Variants in XXYLT1 observed in about 807,000 individuals in gnomAD.
The protein encoded by XXYLT1 is UDP-xylose:alpha-xyloside alpha-1,3-xylosyltransferase.
In XXYLT1, 20 loss-of-function variants were observed where a neutral mutation model predicts 28.9. That is an observed-to-expected ratio of 0.69 (90% CI 0.49 to 1.00). The LOEUF is 1.00. Ranked by LOEUF, XXYLT1 falls within the 50% of genes least tolerant of loss-of-function variation. The pLI is 0.00. For synonymous variants in XXYLT1, 257 were observed against 253.8 expected, an observed-to-expected ratio of 1.01 and a Z score of -0.12; for missense variants, 542 against 560.1, an observed-to-expected ratio of 0.97 and a Z score of 0.33.
intron 1 of XXYLT1, among the ~76,000 whole-genome samples, chr3:195,246,737 C>G (rs1367666236): frequency 6.6e-6 from 1 of 152,212 alleles, no homozygotes; most frequent in Non-Finnish European, 1.5e-5. Context: ...CATGACCAGC[C>G]AACAGTGATG....
intron 3 of XXYLT1, among the ~76,000 whole-genome samples, chr3:195,079,683 G>T (rs947180442): frequency 3.3e-5 from 5 of 152,136 alleles, no homozygotes; most frequent in Admixed American, 3.3e-4. Flanking sequence ...GGGAACCCTG[G>T]GATGTGGCTG....
At chr3:195,225,096 G>A (rs1247930003) in intron 2 of XXYLT1, among the ~76,000 whole-genome samples, 1 of 152,196 alleles carries the variant, frequency 6.6e-6, no homozygotes, top group Non-Finnish European at 1.5e-5. Flanking sequence ...GTATAACCCT[G>A]GGCAGGTCTT....
intron 3 of XXYLT1, among the ~76,000 whole-genome samples, chr3:195,071,879 G>A (rs765410388): frequency 2.6e-5 from 4 of 152,166 alleles, no homozygotes; most frequent in Non-Finnish European, 5.9e-5. Context: ...TCGAGGGGTG[G>A]GAACGAAGCG....
chr3:195,212,368 G>A (rs75623210), intron 2 of XXYLT1, among the ~76,000 whole-genome samples: 12,511 of 152,252 alleles, frequency 0.082, 859 homozygotes, highest in African/African-American at 0.18. Flanking sequence ...ACGTGGTAAC[G>A]GAGTTAAATT....
intron 3 of XXYLT1, among the ~76,000 whole-genome samples, chr3:195,105,717 C>T (rs755545993): frequency 1.1e-4 from 17 of 151,880 alleles, no homozygotes; most frequent in Non-Finnish European, 1.9e-4. Flanking sequence ...CAACTATCAG[C>T]GGGGGCCAAG....
intron 2 of XXYLT1, among the ~76,000 whole-genome samples, chr3:195,225,593 C>T (rs916626474): frequency 7.9e-5 from 12 of 152,190 alleles, no homozygotes; most frequent in African/African-American, 2.9e-4. Flanking sequence ...TACCCTAAGG[C>T]CCCAAACACC....
chr3:195,107,529 G>GAGGAAGGAGGAAGGAGGAAGGGGAAGA (rs1717177931), intron 3 of XXYLT1, among the ~76,000 whole-genome samples: 5 of 10,718 alleles, frequency 4.7e-4, no homozygotes, highest in African/African-American at 1.7e-3. Flanking sequence ...GAGGAGGAAG[G>GAGGAAGGAGGAAGGAGGAAGGGGAAGA]AGGAGGAGGG....
intron 2 of XXYLT1, among the ~76,000 whole-genome samples, chr3:195,198,575 G>A (rs533441167): frequency 9.2e-5 from 14 of 152,276 alleles, no homozygotes; most frequent in South Asian, 8.3e-4. Context: ...TACTTATCCC[G>A]TGTAAGGTAT....
intron 2 of XXYLT1, among the ~76,000 whole-genome samples, chr3:195,158,659 C>G (rs1310742833): frequency 6.6e-6 from 1 of 152,236 alleles, no homozygotes; most frequent in Non-Finnish European, 1.5e-5. Flanking sequence ...CAAAGTGACC[C>G]ATTCACACAG....
At chr3:195,151,823 G>A (rs1467825987) in intron 3 of XXYLT1, among the ~76,000 whole-genome samples, 2 of 138,920 alleles carry the variant, frequency 1.4e-5, no homozygotes, top group East Asian at 4.9e-4. Context: ...TTGATTAGGA[G>A]AAGCCCAGAG....
chr3:195,196,302 C>A (rs6777848), intron 2 of XXYLT1, among the ~76,000 whole-genome samples: 7,813 of 152,284 alleles, frequency 0.051, 615 homozygotes, highest in African/African-American at 0.18. Flanking sequence ...TGAAAGTGGC[C>A]TTGCCATCCT....
Position 195,077,477 on chromosome 3 carries a change from G to A in XXYLT1, c.786-7366C>T, listed in dbSNP as rs1052789054. On this transcript the variant is annotated intron_variant, in intron 3 of 3. Transcript: ENST00000310380. The surrounding 1 kb of genome is among the most constrained non-coding windows in gnomAD (Gnocchi z 4.8). The stretch of plus-strand genomic sequence containing the variant: ...GCTGATGCTGCAAATGCTCCTCCCT[G>A]CCCAGGCTTAGGTTGTGGCGGCTCC... 3.3e-5 allele frequency among the ~76,000 whole-genome samples: 5 copies of A among 152,156 alleles called. No homozygotes were observed. Among genetic ancestry groups the A allele is most frequent in the Admixed American group, 3.3e-4 (5 of 15,276 alleles).
At chr3:195,259,637 G>A in intron 1 of XXYLT1, 3 of 985,476 alleles carry the variant, frequency 3.0e-6, no homozygotes, top group Middle Eastern at 5.2e-4. Context: ...GGCCTGTAAG[G>A]TGGCATCCGA....
intron 1 of XXYLT1, among the ~76,000 whole-genome samples, chr3:195,234,752 A>G (rs1724462970): frequency 6.6e-6 from 1 of 152,032 alleles, no homozygotes; most frequent in African/African-American, 2.4e-5. Context: ...GCTCTATTTT[A>G]TGTCATTTGT....
chr3:195,151,538 A>T (rs190363734), intron 3 of XXYLT1, among the ~76,000 whole-genome samples: 5 of 152,248 alleles, frequency 3.3e-5, no homozygotes, highest in African/African-American at 9.6e-5. Context: ...TTTAAAAAAT[A>T]AAAAAATTAA....
chr3:195,159,923 C>T (rs973544639), intron 2 of XXYLT1, among the ~76,000 whole-genome samples: 1 of 152,148 alleles, frequency 6.6e-6, no homozygotes, highest in Non-Finnish European at 1.5e-5. Context: ...GGACGTTTCT[C>T]TGTCAAAGCG....
At chr3:195,171,029 G>C (rs886147994) in intron 2 of XXYLT1, among the ~76,000 whole-genome samples, 9 of 152,232 alleles carry the variant, frequency 5.9e-5, no homozygotes, top group Non-Finnish European at 1.3e-4. Flanking sequence ...TTAAATGACT[G>C]TGTAAACCTC....
At chr3:195,178,960 T>TGAAGGTGGC (rs1296098294) in intron 2 of XXYLT1, among the ~76,000 whole-genome samples, 1 of 151,674 alleles carries the variant, frequency 6.6e-6, no homozygotes, top group African/African-American at 2.4e-5. Flanking sequence ...GAGGCTACTC[T>TGAAGGTGGC]GAAGGTGGCA....
chr3:195,095,753 C>G (rs1411281810), intron 3 of XXYLT1: 2 of 152,458 alleles, frequency 1.3e-5, no homozygotes, highest in Admixed American at 1.3e-4. Context: ...GGTGGGGCAG[C>G]CTTCACTGGA....
Sources: allele counts gnomAD v4.1 joint callset (sites outside exome capture counted in the v4.1 genomes callset), GRCh38; gene constraint gnomAD v4.1.1; non-coding constraint Gnocchi (gnomAD v3.1); transcripts MANE v1.5; gene names NCBI Gene and HGNC (gene_info 2026-07-23, HGNC 2026-07-21).